The following RTL10 variants were observed in gnomAD, a reference collection of about 807,000 sequenced individuals.
RTL10 encodes the protein retrotransposon Gag like 10, also known as protein Bop.
For synonymous variants in RTL10, 199 were observed against 188.4 expected, an observed-to-expected ratio of 1.06 and a Z score of -0.46; for missense variants, 477 against 470.7, an observed-to-expected ratio of 1.01 and a Z score of -0.12.
Position 19,851,385 on chromosome 22 carries a change from C to CT in RTL10, c.876dup (p.Glu293ArgfsTer10), listed in dbSNP as rs758703251. 1.1e-5 allele frequency: 18 copies of CT among 1,614,020 alleles called. No individual in the cohort carries two copies. Among genetic ancestry groups the CT allele is most frequent in the Non-Finnish European group, 1.5e-5 (18 of 1,180,014 alleles). On this transcript the variant is annotated frameshift_variant, in exon 3 of 3. Coordinates refer to ENST00000328554, the MANE Select transcript of RTL10 (RefSeq NM_024627.6). LOFTEE classifies it low-confidence loss of function (END_TRUNC). ...GGGACAGGTGTGGGGGCTGCCTCCT[C>CT]TGGCTGGGAAGAGGCTGGTTCCACA...
Position 19,847,393 on chromosome 22 carries a change from C to T in RTL10, c.*3774G>A. 1 of 985,452 alleles carries T rather than the reference C, an allele frequency of 1.0e-6. No individual in the cohort carries two copies. 61.0% of individuals were successfully genotyped at this position (985,452 alleles called of 1,614,324 possible). A position where few individuals can be genotyped will look rare whatever the true frequency, so the allele number is the denominator to read the frequency against. On this transcript the variant is annotated 3_prime_UTR_variant, in exon 3 of 3. Coordinates refer to ENST00000328554, the MANE Select transcript of RTL10 (RefSeq NM_024627.6). Reference sequence around the variant, plus strand: ...GGATCTTTGGGCTTTTCCAGTTCTGCTGTTCAAAAAACAGTGACACCCATG... The same window carrying T: ...GGATCTTTGGGCTTTTCCAGTTCTGTTGTTCAAAAAACAGTGACACCCATG...
chr22:19,853,371 G>A (rs909900120), intron 2 of RTL10, among the ~76,000 whole-genome samples: 1 of 152,128 alleles, frequency 6.6e-6, no homozygotes, highest in Non-Finnish European at 1.5e-5. Context: ...AGGCTCCAGA[G>A]CCAGTAGCCA....
rs1412316549 is a variant in RTL10 at position 19,847,555 on chromosome 22, G to A, written c.*3612C>T. ...TCAGGTAAGGACCCTCAGCTCATGC[G>A]GGGAGGGGAGGAGGCAAGGCCAACC... On this transcript the variant is annotated 3_prime_UTR_variant, in exon 3 of 3. Transcript: ENST00000328554. The A allele has an allele frequency of 1.9e-5, 19 of 985,144 alleles. No individual in the cohort carries two copies. Among genetic ancestry groups the A allele is most frequent in the Admixed American group, 1.2e-4 (2 of 16,254 alleles). The allele number at this position is 985,144 out of a possible 1,614,324, so 61.0% of individuals were successfully genotyped here.
Position 19,846,522 on chromosome 22 carries a change from C to A in RTL10, c.*4645G>T. 1 of 985,460 alleles carries A rather than the reference C, an allele frequency of 1.0e-6. No homozygotes were observed. The highest frequency in any genetic ancestry group is 1.2e-6 in the Non-Finnish European group (1 of 829,952). 61.0% of individuals were successfully genotyped at this position (985,460 alleles called of 1,614,324 possible). A position where few individuals can be genotyped will look rare whatever the true frequency, so the allele number is the denominator to read the frequency against. ...GACCACAGAAGCCTGCCCAATATAGCGCTGCCAGGAACAGCAAAGACAAAA... is the reference window on the plus strand; with the variant it reads ...GACCACAGAAGCCTGCCCAATATAGAGCTGCCAGGAACAGCAAAGACAAAA... On this transcript the variant is annotated 3_prime_UTR_variant, in exon 3 of 3. Coordinates refer to ENST00000328554, the MANE Select transcript of RTL10 (RefSeq NM_024627.6).
Position 19,846,358 on chromosome 22 carries a change from G to T in RTL10, c.*4809C>A, listed in dbSNP as rs1937960431. 2.0e-5 allele frequency: 19 copies of T among 944,914 alleles called. No individual in the cohort carries two copies. The highest frequency in any genetic ancestry group is 3.5e-5 in the African/African-American group (2 of 56,442). The allele number at this position is 944,914 out of a possible 1,614,324, so 58.5% of individuals were successfully genotyped here. ...CCTTTGTACCCCCCAGGTAGGGAAA[G>T]ATTTCTTAAGTGAGAAACAGCATCC... On this transcript the variant is annotated 3_prime_UTR_variant, in exon 3 of 3. Transcript: ENST00000328554.
chr22:19,848,636 AAAACCAGGTC>A lies in RTL10; in HGVS notation c.*2521_*2530del, dbSNP rs1263999455. The stretch of plus-strand genomic sequence containing the variant: ...CAATAAACAGGACGCGTTTTAATTA[AAAACCAGGTC>A]ACCTGGACTCTCCCAAGGACTCTCA... On this transcript the variant is annotated 3_prime_UTR_variant, in exon 3 of 3. Coordinates refer to ENST00000328554, the MANE Select transcript of RTL10 (RefSeq NM_024627.6). 9.1e-6 allele frequency: 9 copies of A among 985,356 alleles called. No homozygotes were observed. Among genetic ancestry groups the A allele is most frequent in the Non-Finnish European group, 9.6e-6 (8 of 829,970 alleles). The allele number at this position is 985,356 out of a possible 1,614,324, so 61.0% of individuals were successfully genotyped here.
At position 19,850,750 on chromosome 22, in the gene RTL10, C is replaced by T. The variant is rs377136108; in HGVS notation, c.*417G>A. 9.7e-6 allele frequency: 12 copies of T among 1,242,236 alleles called. No homozygotes were observed. In the East Asian group the frequency reaches 3.1e-4, roughly 32 times the overall value. The allele number at this position is 1,242,236 out of a possible 1,614,324, so 77.0% of individuals were successfully genotyped here. The stretch of plus-strand genomic sequence containing the variant: ...CAGAAACCCCATACAGGAACGAGGT[C>T]CCAACAGGGCAGACGTGGCAGACCC... On this transcript the variant is annotated 3_prime_UTR_variant, in exon 3 of 3. Transcript: ENST00000328554.
Position 19,851,441 on chromosome 22 carries a change from G to T in RTL10, c.821C>A (p.Pro274His). 6.2e-7 allele frequency: 1 copy of T among 1,614,046 alleles called. No individual in the cohort carries two copies. The highest frequency in any genetic ancestry group is 8.5e-7 in the Non-Finnish European group (1 of 1,180,010). The change falls in exon 3 of 3, where the codon CCC becomes CAC. Residue 274 changes from proline (P) to histidine (H), a missense_variant. Coordinates refer to ENST00000328554, the MANE Select transcript of RTL10 (RefSeq NM_024627.6). ...TPGPKEPPVL[P>H]SSTCSSKPGP... ...AGGCTTGGAGCTACATGTAGAACTG[G>T]GCAGGACTGGGGGCTCCTTGGGCCC...
chr22:19,853,049 A>C (rs1938147126), intron 2 of RTL10, among the ~76,000 whole-genome samples: 1 of 152,172 alleles, frequency 6.6e-6, no homozygotes, highest in South Asian at 2.1e-4. Flanking sequence ...GGCACACAGC[A>C]GGTCCTACCT....
rs1569060002 is a variant in RTL10, at chr22:19,854,834, C to CGGGAACGCCTGCTCCT, written c.-513_-498dup. On this transcript the variant is annotated 5_prime_UTR_variant, in exon 1 of 3. Transcript: ENST00000328554. Reference sequence around the variant, plus strand: ...TCCACACTGACCCTCTTGCCGGAGTCGGGAACGCCTGCTCCTAGGAGCGCC... The same window carrying CGGGAACGCCTGCTCCT: ...TCCACACTGACCCTCTTGCCGGAGTCGGGAACGCCTGCTCCTGGGAACGCCTGCTCCTAGGAGCGCC... 1 of 152,314 alleles carries CGGGAACGCCTGCTCCT rather than the reference C, an allele frequency of 6.6e-6. No homozygotes were observed. The highest frequency in any genetic ancestry group is 2.4e-5 in the African/African-American group (1 of 41,470). The allele number at this position is 152,314 out of a possible 1,614,324, so 9.4% of individuals were successfully genotyped here.
At position 19,847,888 on chromosome 22, in the gene RTL10, T is replaced by C. The variant is rs977053946; in HGVS notation, c.*3279A>G. On this transcript the variant is annotated 3_prime_UTR_variant, in exon 3 of 3. Coordinates refer to ENST00000328554, the MANE Select transcript of RTL10 (RefSeq NM_024627.6). ...ACATTGAAATCTTTAATCTGGAATA[T>C]GTACTGGCATAAAGAGTGAGGCACA... 4.1e-6 allele frequency: 4 copies of C among 978,730 alleles called. No individual in the cohort carries two copies. Among genetic ancestry groups the C allele is most frequent in the Admixed American group, 6.2e-5 (1 of 16,060 alleles). 60.6% of individuals were successfully genotyped at this position (978,730 alleles called of 1,614,324 possible).
In RTL10 at chr22:19,846,806, A is replaced by C. The variant is rs1307899342; in HGVS notation, c.*4361T>G. 7 of 650,562 alleles carry C rather than the reference A, an allele frequency of 1.1e-5. No individual in the cohort carries two copies. The highest frequency in any genetic ancestry group is 9.8e-5 in the African/African-American group (5 of 50,874). 40.3% of individuals were successfully genotyped at this position (650,562 alleles called of 1,614,324 possible). ...AAGGAGCGAGGCCTCAGGAGAAACCAACCCTGCCCACACCTTGATCTCAGG... is the reference window on the plus strand; with the variant it reads ...AAGGAGCGAGGCCTCAGGAGAAACCCACCCTGCCCACACCTTGATCTCAGG... On this transcript the variant is annotated 3_prime_UTR_variant, in exon 3 of 3. Transcript: ENST00000328554.
rs1938020410 is a variant in RTL10, at chr22:19,848,572, T to C, written c.*2595A>G. On this transcript the variant is annotated 3_prime_UTR_variant, in exon 3 of 3. Coordinates refer to ENST00000328554, the MANE Select transcript of RTL10 (RefSeq NM_024627.6). ...GTGCAGGAAACCTGGACATCACCAC[T>C]TCAAGGCCCTACCTTCCTTTCTGGG... The C allele has an allele frequency of 1.0e-6, 1 of 985,398 alleles. No homozygotes were observed. Among genetic ancestry groups the C allele is most frequent in the African/African-American group, 1.7e-5 (1 of 57,244 alleles). The allele number at this position is 985,398 out of a possible 1,614,324, so 61.0% of individuals were successfully genotyped here. A position where few individuals can be genotyped will look rare whatever the true frequency, so the allele number is the denominator to read the frequency against.
In RTL10 at chr22:19,846,990, C is replaced by G. The variant is rs1937977019; in HGVS notation, c.*4177G>C. ...CTCAGCAGCACCAACCAGCCCCACG[C>G]TGGGTGGCTGCTTGTACTTCTCCAT... On this transcript the variant is annotated 3_prime_UTR_variant, in exon 3 of 3. Transcript: ENST00000328554. 1 of 985,508 alleles carries G rather than the reference C, an allele frequency of 1.0e-6. No homozygotes were observed. Among genetic ancestry groups the G allele is most frequent in the Non-Finnish European group, 1.2e-6 (1 of 829,964 alleles). The allele number at this position is 985,508 out of a possible 1,614,324, so 61.0% of individuals were successfully genotyped here.
Position 19,852,497 on chromosome 22 carries a change from A to G in RTL10, c.-225-11T>C. Reference sequence around the variant, plus strand: ...ATCATCCGAGGCAATCTGTCCAAAGACAAGGTGGGGAAGAGCAGGAACTAG... The same window carrying G: ...ATCATCCGAGGCAATCTGTCCAAAGGCAAGGTGGGGAAGAGCAGGAACTAG... On this transcript the variant is annotated splice_polypyrimidine_tract_variant and intron_variant, in intron 2 of 2. Transcript: ENST00000328554. 5.5e-6 allele frequency: 3 copies of G among 548,422 alleles called. No homozygotes were observed. The highest frequency in any genetic ancestry group is 9.8e-6 in the Non-Finnish European group (3 of 305,970). The allele number at this position is 548,422 out of a possible 1,614,324, so 34.0% of individuals were successfully genotyped here. A position where few individuals can be genotyped will look rare whatever the true frequency, so the allele number is the denominator to read the frequency against.
In RTL10 at chr22:19,850,397, G is replaced by T; in HGVS notation, c.*770C>A. Reference sequence around the variant, plus strand: ...CTGAATCCGCAATGCATGCGAGTGCGGAGTGAGCAGGGGATGGCAGCACAG... The same window carrying T: ...CTGAATCCGCAATGCATGCGAGTGCTGAGTGAGCAGGGGATGGCAGCACAG... On this transcript the variant is annotated 3_prime_UTR_variant, in exon 3 of 3. Coordinates refer to ENST00000328554, the MANE Select transcript of RTL10 (RefSeq NM_024627.6). The T allele has an allele frequency of 1.0e-6, 1 of 989,596 alleles. No individual in the cohort carries two copies. The allele number at this position is 989,596 out of a possible 1,614,324, so 61.3% of individuals were successfully genotyped here. A position where few individuals can be genotyped will look rare whatever the true frequency, so the allele number is the denominator to read the frequency against.
Position 19,852,333 on chromosome 22 carries a change from G to C in RTL10, c.-72C>G. 6.7e-7 allele frequency: 1 copy of C among 1,493,488 alleles called. No homozygotes were observed. The highest frequency in any genetic ancestry group is 9.1e-7 in the Non-Finnish European group (1 of 1,098,522). The allele number at this position is 1,493,488 out of a possible 1,614,324, so 92.5% of individuals were successfully genotyped here. ...GTGGGGGTGTGGACAGATGTGGCTT[G>C]CACGACACAACAGGACAGGGATGGC... is the stretch of plus-strand genomic sequence containing the variant. On this transcript the variant is annotated 5_prime_UTR_variant, in exon 3 of 3. Coordinates refer to ENST00000328554, the MANE Select transcript of RTL10 (RefSeq NM_024627.6).
chr22:19,848,116 C>A lies in RTL10; in HGVS notation c.*3051G>T. 4 of 984,670 alleles carry A rather than the reference C, an allele frequency of 4.1e-6. No individual in the cohort carries two copies. Among genetic ancestry groups the A allele is most frequent in the Non-Finnish European group, 4.8e-6 (4 of 829,456 alleles). The allele number at this position is 984,670 out of a possible 1,614,324, so 61.0% of individuals were successfully genotyped here. A position where few individuals can be genotyped will look rare whatever the true frequency, so the allele number is the denominator to read the frequency against. ...TAAAATATTCCAATATCCCATAGGA[C>A]CTTATCCTTAGTACTTCCTATTTTA... On this transcript the variant is annotated 3_prime_UTR_variant, in exon 3 of 3. Transcript: ENST00000328554.
Position 19,847,007 on chromosome 22 carries a change from C to T in RTL10, c.*4160G>A. The T allele has an allele frequency of 1.0e-6, 1 of 985,488 alleles. No individual in the cohort carries two copies. Among genetic ancestry groups the T allele is most frequent in the Non-Finnish European group, 1.2e-6 (1 of 829,948 alleles). The allele number at this position is 985,488 out of a possible 1,614,324, so 61.0% of individuals were successfully genotyped here. A position where few individuals can be genotyped will look rare whatever the true frequency, so the allele number is the denominator to read the frequency against. Reference sequence around the variant, plus strand: ...GCCCCACGCTGGGTGGCTGCTTGTACTTCTCCATACTGAGCACCCCAGCCC... The same window carrying T: ...GCCCCACGCTGGGTGGCTGCTTGTATTTCTCCATACTGAGCACCCCAGCCC... On this transcript the variant is annotated 3_prime_UTR_variant, in exon 3 of 3. Transcript: ENST00000328554.
Sources: gnomAD v4.1 joint callset for allele counts (sites outside exome capture counted in the v4.1 genomes callset) on GRCh38, gnomAD v4.1.1 for gene constraint, MANE v1.5 for transcripts, NCBI Gene and HGNC (gene_info 2026-07-23, HGNC 2026-07-21) for gene names.